Variants in ENTREP2 observed in about 807,000 individuals in gnomAD.
ENTREP2 encodes endosomal transmembrane epsin interactor 2, also known as protein ENTREP2.
the ENTREP2 span, among the ~76,000 whole-genome samples, chr15:29,576,503 A>C: frequency 6.4e-3 from 974 of 152,386 alleles, 13 homozygotes; most frequent in African/African-American, 0.022. Flanking sequence ...ACTTTTGTAC[A>C]TCAAAGCACA....
chr15:29,160,014 C>T, the ENTREP2 span, among the ~76,000 whole-genome samples: 13 of 152,250 alleles, frequency 8.5e-5, no homozygotes, highest in African/African-American at 2.4e-4. Context: ...CAGGAGCCCA[C>T]GGAGACGGGG....
At chr15:29,595,841 T>C in the ENTREP2 span, among the ~76,000 whole-genome samples, 1 of 152,218 alleles carries the variant, frequency 6.6e-6, no homozygotes, top group Non-Finnish European at 1.5e-5. Flanking sequence ...GTTCTAGCTT[T>C]GGACTTTGGG....
At chr15:29,158,174 G>A in the ENTREP2 span, among the ~76,000 whole-genome samples, 1 of 152,168 alleles carries the variant, frequency 6.6e-6, no homozygotes, top group Non-Finnish European at 1.5e-5. Flanking sequence ...GCTACCAAAT[G>A]AAACTACTCA....
chr15:29,489,488 T>C, the ENTREP2 span, among the ~76,000 whole-genome samples: 1 of 110,344 alleles, frequency 9.1e-6, no homozygotes, highest in South Asian at 3.0e-4. Flanking sequence ...AAAGGCCACC[T>C]GAACTTTGAT....
At chr15:29,491,245 C>G in the ENTREP2 span, among the ~76,000 whole-genome samples, 1 of 152,274 alleles carries the variant, frequency 6.6e-6, no homozygotes, top group South Asian at 2.1e-4. Context: ...GGTTCCTGCC[C>G]GCACCCCTCC....
chr15:29,353,097 T>C, the ENTREP2 span, among the ~76,000 whole-genome samples: 18 of 152,128 alleles, frequency 1.2e-4, no homozygotes, highest in Non-Finnish European at 2.4e-4. Flanking sequence ...GGTCAGAAAA[T>C]GTGGGATAGC....
chr15:29,125,766 G>C, the ENTREP2 span, among the ~76,000 whole-genome samples: 1 of 152,202 alleles, frequency 6.6e-6, no homozygotes, highest in Non-Finnish European at 1.5e-5. Context: ...CAGGGACCTG[G>C]TGCCAGGTCC....
At chr15:29,194,794 C>T in the ENTREP2 span, among the ~76,000 whole-genome samples, 1 of 152,174 alleles carries the variant, frequency 6.6e-6, no homozygotes, top group Non-Finnish European at 1.5e-5. Context: ...AAAACCGGGT[C>T]CTGCATCCCA....
At chr15:29,557,198 G>A in the ENTREP2 span, among the ~76,000 whole-genome samples, 2 of 152,120 alleles carry the variant, frequency 1.3e-5, no homozygotes, top group South Asian at 2.1e-4. Context: ...CTGGGTCTCT[G>A]GCCCAGGCTC....
At chr15:29,600,410 A>T in the ENTREP2 span, among the ~76,000 whole-genome samples, 1 of 151,502 alleles carries the variant, frequency 6.6e-6, no homozygotes, top group Non-Finnish European at 1.5e-5. Flanking sequence ...CAAATTGGAA[A>T]CTCCAAAGCC....
the ENTREP2 span, among the ~76,000 whole-genome samples, chr15:29,493,172 C>T: frequency 1.8e-4 from 16 of 86,554 alleles, no homozygotes; most frequent in East Asian, 4.1e-4. Context: ...CTCGCTCTGT[C>T]GCCCAGGCTG....
chr15:29,468,558 C>T, the ENTREP2 span, among the ~76,000 whole-genome samples: 2 of 145,660 alleles, frequency 1.4e-5, no homozygotes, highest in East Asian at 4.1e-4. Context: ...TGCAGTGAGC[C>T]GAGATTGCCC....
At chr15:29,158,140 AC>A in the ENTREP2 span, among the ~76,000 whole-genome samples, 5 of 152,238 alleles carry the variant, frequency 3.3e-5, no homozygotes, top group Admixed American at 6.5e-5. Flanking sequence ...ATGCCTTTCT[AC>A]AAATAATATT....
the ENTREP2 span, among the ~76,000 whole-genome samples, chr15:29,294,499 G>C: frequency 6.6e-6 from 1 of 152,186 alleles, no homozygotes; most frequent in Non-Finnish European, 1.5e-5. Flanking sequence ...TGAGGCAAAC[G>C]TGTCTCTTTT....
At chr15:29,583,990 C>G in the ENTREP2 span, among the ~76,000 whole-genome samples, 1 of 152,044 alleles carries the variant, frequency 6.6e-6, no homozygotes, top group African/African-American at 2.4e-5. Flanking sequence ...GGTTTCTTAG[C>G]TATGAAACCT....
chr15:29,149,787 C>T, the ENTREP2 span, among the ~76,000 whole-genome samples: 5 of 152,198 alleles, frequency 3.3e-5, no homozygotes, highest in Admixed American at 1.3e-4. Flanking sequence ...CTCTCAAGCC[C>T]GGCAGCAGAG....
At chr15:29,421,702 A>C in the ENTREP2 span, among the ~76,000 whole-genome samples, 1 of 152,202 alleles carries the variant, frequency 6.6e-6, no homozygotes, top group African/African-American at 2.4e-5. Flanking sequence ...AACCTACAGG[A>C]AAACAGCTGA....
the ENTREP2 span, among the ~76,000 whole-genome samples, chr15:29,403,263 A>C: frequency 1.3e-5 from 2 of 152,206 alleles, no homozygotes; most frequent in African/African-American, 4.8e-5. Context: ...ATAAATTCCA[A>C]CCAGGACCCA....
the ENTREP2 span, among the ~76,000 whole-genome samples, chr15:29,347,706 G>T: frequency 6.6e-6 from 1 of 152,148 alleles, no homozygotes; most frequent in Non-Finnish European, 1.5e-5. Context: ...TTGAAAAGAA[G>T]ATAAGGGGCA....
Sources: gnomAD v4.1 joint callset for allele counts (sites outside exome capture counted in the v4.1 genomes callset) on GRCh38, gnomAD v4.1.1 for gene constraint, MANE v1.5 for transcripts, NCBI Gene and HGNC (gene_info 2026-07-23, HGNC 2026-07-21) for gene names.